Variants in STX7 observed in about 807,000 individuals in gnomAD.
STX7 encodes syntaxin-7.
STX7 carries 34 observed loss-of-function variants against 39.6 expected under a neutral mutation model. That is an observed-to-expected ratio of 0.86 (90% CI 0.65 to 1.14). The LOEUF is 1.14. Among genes scored for constraint, STX7 ranks in the 50% most tolerant of loss-of-function variants. STX7 has a pLI of 0.00. For missense variants in STX7, 284 were observed against 310.4 expected (o/e 0.92, Z 0.64); for synonymous variants, 119 against 99.1 (o/e 1.20, Z -1.19).
intron 1 of STX7, among the ~76,000 whole-genome samples, chr6:132,509,454 T>TA (rs1271563216): frequency 7.3e-3 from 24 of 3,276 alleles, no homozygotes; most frequent in Admixed American, 0.066. Flanking sequence ...CGTCTCAAAA[T>TA]AACATAACAT....
chr6:132,510,856 G>A (rs761218831), intron 1 of STX7, among the ~76,000 whole-genome samples: 1 of 152,208 alleles, frequency 6.6e-6, no homozygotes, highest in Non-Finnish European at 1.5e-5. Context: ...TGAACAAAAG[G>A]AATGTTAAAA....
chr6:132,467,946 C>A (rs899987706), intron 8 of STX7, among the ~76,000 whole-genome samples: 1 of 152,116 alleles, frequency 6.6e-6, no homozygotes. Context: ...AATTCATCTA[C>A]CAAAAAGCTA....
chr6:132,482,800 G>A (rs1225239876), intron 2 of STX7, among the ~76,000 whole-genome samples: 1 of 152,088 alleles, frequency 6.6e-6, no homozygotes, highest in Admixed American at 6.6e-5. Flanking sequence ...AGAAACGCCT[G>A]CTCTTTCTCT....
intron 2 of STX7, among the ~76,000 whole-genome samples, chr6:132,495,666 A>G (rs2114453562): frequency 6.6e-6 from 1 of 152,248 alleles, no homozygotes; most frequent in South Asian, 2.1e-4. Context: ...AAGTGATAAT[A>G]TTAGCTTCCC....
Position 132,460,628 on chromosome 6 carries a change from A to G in STX7, c.*130T>C, listed in dbSNP as rs79028092. 1.0e-2 allele frequency: 6,486 copies of G among 649,146 alleles called. 74 individuals carry two copies. Among genetic ancestry groups the G allele is most frequent in the Middle Eastern group, 0.038 (123 of 3,246 alleles). 40.2% of individuals were successfully genotyped at this position (649,146 alleles called of 1,614,324 possible). A position where few individuals can be genotyped will look rare whatever the true frequency, so the allele number is the denominator to read the frequency against. Reference sequence around the variant, plus strand: ...CAAAGGAACCACCCCAACCCCCCCAATAAAAATAACAAAGTATGGGAACCA... The same window carrying G: ...CAAAGGAACCACCCCAACCCCCCCAGTAAAAATAACAAAGTATGGGAACCA... On this transcript the variant is annotated 3_prime_UTR_variant, in exon 10 of 10. Transcript: ENST00000367941.
At chr6:132,505,590 T>C (rs575616201) in intron 1 of STX7, among the ~76,000 whole-genome samples, 2 of 152,080 alleles carry the variant, frequency 1.3e-5, no homozygotes, top group East Asian at 3.9e-4. Context: ...GCTGGACCAC[T>C]ACAGTGGGGA....
At chr6:132,468,912 T>G (rs926211538) in intron 7 of STX7, among the ~76,000 whole-genome samples, 1 of 152,240 alleles carries the variant, frequency 6.6e-6, no homozygotes, top group African/African-American at 2.4e-5. Context: ...AAACATTAGG[T>G]GTAAATTTAA....
Position 132,457,221 on chromosome 6 carries a change from G to T in STX7, c.*3537C>A, listed in dbSNP as rs1774264069. ...ACTTATAATCCATCAAGTGGTTTCTGTTTTTCTAACTGAATTGTTAAAATA... is the reference window on the plus strand; with the variant it reads ...ACTTATAATCCATCAAGTGGTTTCTTTTTTTCTAACTGAATTGTTAAAATA... On this transcript the variant is annotated 3_prime_UTR_variant, in exon 10 of 10. Transcript: ENST00000367941. The T allele has an allele frequency of 6.6e-6, 1 of 152,198 alleles. No individual in the cohort carries two copies. The highest frequency in any genetic ancestry group is 2.4e-5 in the African/African-American group (1 of 41,450). The allele number at this position is 152,198 out of a possible 1,614,324, so 9.4% of individuals were successfully genotyped here. A position where few individuals can be genotyped will look rare whatever the true frequency, so the allele number is the denominator to read the frequency against.
chr6:132,466,938 T>C (rs1372046307), intron 8 of STX7, among the ~76,000 whole-genome samples: 2 of 152,190 alleles, frequency 1.3e-5, no homozygotes, highest in Non-Finnish European at 2.9e-5. Flanking sequence ...GTAAATCTTT[T>C]CGGCTGTCCA....
At chr6:132,462,620 TG>T (rs1774441220) in intron 9 of STX7, among the ~76,000 whole-genome samples, 2 of 149,726 alleles carry the variant, frequency 1.3e-5, no homozygotes, top group African/African-American at 4.9e-5. Flanking sequence ...TGTGTGTGTG[TG>T]TTTTCAATTA....
chr6:132,499,171 T>C (rs1313354053), intron 2 of STX7, among the ~76,000 whole-genome samples: 1 of 152,226 alleles, frequency 6.6e-6, no homozygotes, highest in Non-Finnish European at 1.5e-5. Context: ...TTTGCAATTA[T>C]ACGCTTACCA....
intron 3 of STX7, among the ~76,000 whole-genome samples, chr6:132,472,866 G>T (rs562672805): frequency 1.1e-5 from 1 of 89,198 alleles, no homozygotes; most frequent in African/African-American, 4.0e-5. Flanking sequence ...AAAAAAAGGC[G>T]GGGGGGAGGG....
chr6:132,448,223 T>C lies in STX7; in HGVS notation c.*12535A>G, dbSNP rs190742461. The stretch of plus-strand genomic sequence containing the variant: ...TGTTGCTAGTATTTTAATTACGCTC[T>C]TTTTTACTCCACAGAGTAAATACTT... On this transcript the variant is annotated 3_prime_UTR_variant, in exon 10 of 10. Coordinates refer to ENST00000367941, the MANE Select transcript of STX7 (RefSeq NM_003569.3). The C allele has an allele frequency of 6.6e-6, 1 of 152,188 alleles. No homozygotes were observed. Among genetic ancestry groups the C allele is most frequent in the Admixed American group, 6.6e-5 (1 of 15,266 alleles). The allele number at this position is 152,188 out of a possible 1,614,324, so 9.4% of individuals were successfully genotyped here.
At chr6:132,465,172 G>A (rs1427740460) in intron 8 of STX7, among the ~76,000 whole-genome samples, 7 of 152,056 alleles carry the variant, frequency 4.6e-5, no homozygotes, top group Admixed American at 4.6e-4. Context: ...TTTTTCCAAA[G>A]ACGAACACCT....
At chr6:132,490,361 G>A (rs1044026637) in intron 2 of STX7, among the ~76,000 whole-genome samples, 4 of 152,138 alleles carry the variant, frequency 2.6e-5, no homozygotes, top group African/African-American at 9.7e-5. Flanking sequence ...AGTTCTAACT[G>A]CCAACACATG....
intron 1 of STX7, among the ~76,000 whole-genome samples, chr6:132,505,952 A>G (rs1171808378): frequency 6.6e-6 from 1 of 152,050 alleles, no homozygotes; most frequent in Non-Finnish European, 1.5e-5. Flanking sequence ...TCTACAGTCA[A>G]TTGATCTTTT....
chr6:132,453,099 G>C lies in STX7; in HGVS notation c.*7659C>G, dbSNP rs1451220815. 6.6e-6 allele frequency: 1 copy of C among 151,920 alleles called. No individual in the cohort carries two copies. Among genetic ancestry groups the C allele is most frequent in the African/African-American group, 2.4e-5 (1 of 41,376 alleles). 9.4% of individuals were successfully genotyped at this position (151,920 alleles called of 1,614,324 possible). A position where few individuals can be genotyped will look rare whatever the true frequency, so the allele number is the denominator to read the frequency against. On this transcript the variant is annotated 3_prime_UTR_variant, in exon 10 of 10. Coordinates refer to ENST00000367941, the MANE Select transcript of STX7 (RefSeq NM_003569.3). ...ACTGATTTCTCATTAACTCATTTTT[G>C]CTCAACTGATTTTTGACAGAGGTGC...
intron 3 of STX7, 38 bp downstream of exon 3, chr6:132,475,555 T>A: frequency 7.0e-7 from 1 of 1,437,030 alleles, no homozygotes; most frequent in South Asian, 1.3e-5. Flanking sequence ...GCAATAGAGT[T>A]TTTTCTTTCT....
At chr6:132,491,892 C>A (rs1487254607) in intron 2 of STX7, among the ~76,000 whole-genome samples, 4 of 152,218 alleles carry the variant, frequency 2.6e-5, no homozygotes, top group African/African-American at 7.2e-5. Flanking sequence ...CACCCACTCC[C>A]TAACCAACTT....
Sources: gnomAD v4.1 joint callset for allele counts (sites outside exome capture counted in the v4.1 genomes callset) on GRCh38, gnomAD v4.1.1 for gene constraint, MANE v1.5 for transcripts, NCBI Gene and HGNC (gene_info 2026-07-23, HGNC 2026-07-21) for gene names.